Variants in MCPH1 observed in about 807,000 individuals in gnomAD.
MCPH1 encodes microcephalin 1, also known as microcephalin.
Under a neutral mutation model 84.5 loss-of-function variants are expected in MCPH1, and 104 were observed. The observed-to-expected ratio is 1.23, with a 90% CI of 1.05 to 1.45. MCPH1 has a LOEUF of 1.45. Ranked by LOEUF, MCPH1 falls within the 40% of genes most tolerant of loss-of-function variation. The probability of loss-of-function intolerance (pLI) is 0.00; values close to 1 mark genes in which losing one functional copy is unlikely to be tolerated. For missense variants in MCPH1, 1,498 were observed against 1,005.7 expected, an observed-to-expected ratio of 1.49 and a Z score of -6.62; for synonymous variants, 514 against 366.8, an observed-to-expected ratio of 1.40 and a Z score of -4.58.
At chr8:6,409,910 G>T (rs1798298348) in intron 2 of MCPH1, among the ~76,000 whole-genome samples, 1 of 152,136 alleles carries the variant, frequency 6.6e-6, no homozygotes, top group African/African-American at 2.4e-5. Flanking sequence ...CAGGGACCCA[G>T]TGACAGAGGG....
intron 12 of MCPH1, among the ~76,000 whole-genome samples, chr8:6,590,308 C>G (rs918182688): frequency 2.6e-5 from 4 of 152,060 alleles, no homozygotes; most frequent in African/African-American, 9.7e-5. Flanking sequence ...AGGGAATGTC[C>G]TAAATGTGCG....
chr8:6,455,361 A>G, intron 9 of MCPH1, 109 bp downstream of exon 9: 2 of 784,920 alleles, frequency 2.5e-6, no homozygotes, highest in South Asian at 1.5e-5. Flanking sequence ...CTTTTATTCT[A>G]AAAAATTGAT....
chr8:6,482,297 T>G (rs1008148719), intron 11 of MCPH1, among the ~76,000 whole-genome samples: 2 of 152,106 alleles, frequency 1.3e-5, no homozygotes, highest in African/African-American at 2.4e-5. Flanking sequence ...ATGGAAAAAA[T>G]GACTCTTTGA....
At chr8:6,474,058 T>A in intron 9 of MCPH1, 1 of 801,370 alleles carries the variant, frequency 1.2e-6, no homozygotes, top group South Asian at 1.4e-5. Context: ...TTTCGTACAA[T>A]ATGTTGGCAT....
chr8:6,627,877 G>A (rs1796862321), intron 13 of MCPH1, among the ~76,000 whole-genome samples: 1 of 151,808 alleles, frequency 6.6e-6, no homozygotes, highest in Non-Finnish European at 1.5e-5. Context: ...GTGCGACAGA[G>A]TGAGAACCTG....
intron 12 of MCPH1, among the ~76,000 whole-genome samples, chr8:6,533,464 T>G (rs1281628567): frequency 6.6e-6 from 1 of 151,922 alleles, no homozygotes; most frequent in East Asian, 1.9e-4. Context: ...TCCTCATATG[T>G]AAAATAGGGT....
At chr8:6,421,272 C>G (rs1800158637) in intron 3 of MCPH1, among the ~76,000 whole-genome samples, 1 of 152,170 alleles carries the variant, frequency 6.6e-6, no homozygotes, top group African/African-American at 2.4e-5. Context: ...CTCCCTGGCT[C>G]TGGCTGCCAA....
At chr8:6,634,209 C>A (rs751526918) in intron 13 of MCPH1, among the ~76,000 whole-genome samples, 8 of 152,192 alleles carry the variant, frequency 5.3e-5, no homozygotes, top group Non-Finnish European at 8.8e-5. Context: ...AAGATCTATC[C>A]TGATGAACTG....
At chr8:6,480,916 A>G (rs2129559825) in intron 11 of MCPH1, 40 bp downstream of exon 11, 1 of 1,608,080 alleles carries the variant, frequency 6.2e-7, no homozygotes, top group African/African-American at 1.3e-5. Context: ...AAAACAAGGC[A>G]TTTTGATAGA....
In MCPH1 at chr8:6,611,861, A is replaced by G. The variant is rs192761929; in HGVS notation, c.2215-9593A>G. 9.2e-3 allele frequency among the ~76,000 whole-genome samples: 1,391 copies of G among 151,936 alleles called. 5 individuals are homozygous for G. Among genetic ancestry groups the G allele is most frequent in the Non-Finnish European group, 0.012 (792 of 67,950 alleles). On this transcript the variant is annotated intron_variant, in intron 12 of 13. Transcript: ENST00000344683. ...TCTCGGTCTCCTGACCTCGTGATCC[A>G]CCCACCTCGGCCTCCCAAAGTGCTG... is the stretch of plus-strand genomic sequence containing the variant.
At chr8:6,553,485 C>G (rs1824036148) in intron 12 of MCPH1, among the ~76,000 whole-genome samples, 2 of 152,172 alleles carry the variant, frequency 1.3e-5, no homozygotes, top group South Asian at 4.2e-4. Context: ...CTTCACACGT[C>G]AACATTTTTT....
chr8:6,587,067 T>C (rs1465445425), intron 12 of MCPH1, among the ~76,000 whole-genome samples: 1 of 152,002 alleles, frequency 6.6e-6, no homozygotes, highest in Non-Finnish European at 1.5e-5. Flanking sequence ...CTTCTCGGTG[T>C]TGGAAATTGC....
chr8:6,523,723 A>G (rs534409381), intron 12 of MCPH1, among the ~76,000 whole-genome samples: 1 of 151,938 alleles, frequency 6.6e-6, no homozygotes, highest in Non-Finnish European at 1.5e-5. Flanking sequence ...CTGAGTAGTT[A>G]GGATTACAGG....
chr8:6,642,194 G>A (rs1232529911), intron 13 of MCPH1, among the ~76,000 whole-genome samples: 1 of 152,050 alleles, frequency 6.6e-6, no homozygotes, highest in Admixed American at 6.6e-5. Context: ...CACAATCATT[G>A]TGATTCTTTA....
intron 13 of MCPH1, among the ~76,000 whole-genome samples, chr8:6,624,241 CCT>C (rs1323355952): frequency 1.3e-5 from 2 of 152,246 alleles, no homozygotes; most frequent in Non-Finnish European, 2.9e-5. Context: ...CAGGCCCCAG[CCT>C]CTTTTTCTTT....
chr8:6,430,137 A>G (rs1185928051), intron 3 of MCPH1, among the ~76,000 whole-genome samples: 1 of 152,142 alleles, frequency 6.6e-6, no homozygotes, highest in Non-Finnish European at 1.5e-5. Flanking sequence ...CTCTGACCTG[A>G]AGCTTTCTCT....
At chr8:6,552,440 GA>G (rs1457769799) in intron 12 of MCPH1, among the ~76,000 whole-genome samples, 1 of 152,176 alleles carries the variant, frequency 6.6e-6, no homozygotes, top group African/African-American at 2.4e-5. Context: ...TGTCGAAAAG[GA>G]ATTCATTATC....
chr8:6,418,283 A>G (rs1165508884), intron 3 of MCPH1, among the ~76,000 whole-genome samples: 1 of 152,174 alleles, frequency 6.6e-6, no homozygotes, highest in African/African-American at 2.4e-5. Flanking sequence ...TTTAGGGGAC[A>G]GACAGAAAAA....
At chr8:6,598,562 C>G (rs532063869) in intron 12 of MCPH1, among the ~76,000 whole-genome samples, 1 of 152,194 alleles carries the variant, frequency 6.6e-6, no homozygotes, top group African/African-American at 2.4e-5. Context: ...CAGCTCTCCT[C>G]GGGGCAAAGC....
Sources: allele counts gnomAD v4.1 joint callset (sites outside exome capture counted in the v4.1 genomes callset), GRCh38; gene constraint gnomAD v4.1.1; transcripts MANE v1.5; gene names NCBI Gene and HGNC (gene_info 2026-07-23, HGNC 2026-07-21).